The following CCDC149 variants were observed in gnomAD, a reference collection of about 807,000 sequenced individuals.
The protein encoded by CCDC149 is coiled-coil domain-containing protein 149.
CCDC149 carries 45 observed loss-of-function variants against 59.9 expected under a neutral mutation model. The ratio of observed to expected loss-of-function variants is 0.75; its 90% CI spans 0.59 to 0.96. CCDC149 has a LOEUF of 0.96. Ranked by LOEUF, CCDC149 falls within the 40% of genes least tolerant of loss-of-function variation. The pLI, the probability that CCDC149 is intolerant of heterozygous loss-of-function variation, is 0.00. For synonymous variants in CCDC149, 245 were observed against 260.6 expected (o/e 0.94, Z 0.58); for missense variants, 584 against 664.7 (o/e 0.88, Z 1.33).
intron 1 of CCDC149, among the ~76,000 whole-genome samples, chr4:24,909,993 C>T (rs1721781535): frequency 1.3e-5 from 2 of 152,184 alleles, no homozygotes. Flanking sequence ...TAATACATTG[C>T]TGTAACAAAT....
intron 1 of CCDC149, among the ~76,000 whole-genome samples, chr4:24,881,184 A>G (rs959284884): frequency 3.9e-5 from 6 of 152,254 alleles, no homozygotes; most frequent in Non-Finnish European, 8.8e-5. Context: ...AATTTATCAT[A>G]GAGTGAGAAA....
intron 9 of CCDC149, among the ~76,000 whole-genome samples, chr4:24,826,284 G>A (rs1171155098): frequency 2.0e-5 from 3 of 152,152 alleles, no homozygotes; most frequent in Non-Finnish European, 4.4e-5. Flanking sequence ...AAGCAAGGAA[G>A]CAGGATGAGG....
chr4:24,875,694 A>T (rs770041850), intron 2 of CCDC149, among the ~76,000 whole-genome samples: 2 of 152,168 alleles, frequency 1.3e-5, no homozygotes, highest in African/African-American at 4.8e-5. Context: ...TACAGTAGCC[A>T]TCAGTCACAT....
At chr4:24,815,799 A>G (rs904953466) in intron 12 of CCDC149, among the ~76,000 whole-genome samples, 20 of 152,004 alleles carry the variant, frequency 1.3e-4, no homozygotes, top group African/African-American at 4.6e-4. Context: ...AATATGGGAA[A>G]CCTCTGAGAT....
chr4:24,880,382 G>A (rs1186072516), intron 1 of CCDC149, among the ~76,000 whole-genome samples: 1 of 152,160 alleles, frequency 6.6e-6, no homozygotes, highest in Non-Finnish European at 1.5e-5. Context: ...ATCGCCTAGC[G>A]GCACACTTCT....
At chr4:24,944,942 C>T (rs1307522763) in intron 1 of CCDC149, among the ~76,000 whole-genome samples, 4 of 152,198 alleles carry the variant, frequency 2.6e-5, no homozygotes, top group Non-Finnish European at 4.4e-5. Flanking sequence ...CCAGCCCCTA[C>T]TCCCACAAAC....
intron 1 of CCDC149, among the ~76,000 whole-genome samples, chr4:24,886,128 T>C (rs1390972003): frequency 2.6e-5 from 4 of 152,192 alleles, no homozygotes; most frequent in African/African-American, 4.8e-5. Context: ...GTTACCTGGG[T>C]ATATCAATTA....
intron 2 of CCDC149, among the ~76,000 whole-genome samples, chr4:24,875,316 C>G (rs1408568689): frequency 1.4e-5 from 2 of 147,252 alleles, no homozygotes; most frequent in Non-Finnish European, 3.0e-5. Context: ...GGCCACAGAG[C>G]GAGAATCCGT....
chr4:24,906,040 T>A (rs997805901), intron 1 of CCDC149, among the ~76,000 whole-genome samples: 6 of 152,046 alleles, frequency 3.9e-5, no homozygotes, highest in African/African-American at 1.4e-4. Context: ...ATAAAAGAAA[T>A]CTGAATTCTT....
At chr4:24,922,637 G>A (rs1435987711) in intron 1 of CCDC149, among the ~76,000 whole-genome samples, 1 of 152,112 alleles carries the variant, frequency 6.6e-6, no homozygotes, top group Non-Finnish European at 1.5e-5. Context: ...CTCTGCAGCT[G>A]GCGAGATCCT....
intron 1 of CCDC149, among the ~76,000 whole-genome samples, chr4:24,940,890 A>G (rs1179099387): frequency 6.6e-6 from 1 of 152,254 alleles, no homozygotes; most frequent in Non-Finnish European, 1.5e-5. Flanking sequence ...ACCCAGATTC[A>G]TAAAGCAAGT....
chr4:24,931,827 A>ATGTATATATATG (rs1302682619), intron 1 of CCDC149, among the ~76,000 whole-genome samples: 1 of 94,132 alleles, frequency 1.1e-5, no homozygotes, highest in East Asian at 2.6e-4. Flanking sequence ...TATGGAGAGT[A>ATGTATATATATG]TGTATATATA....
At chr4:24,956,059 T>C (rs1432688426) in intron 1 of CCDC149, among the ~76,000 whole-genome samples, 1 of 152,204 alleles carries the variant, frequency 6.6e-6, no homozygotes, top group East Asian at 1.9e-4. Context: ...GCGGTGGTTC[T>C]GAAATAATTG....
intron 1 of CCDC149, among the ~76,000 whole-genome samples, chr4:24,946,397 G>A (rs1356742051): frequency 1.3e-5 from 2 of 152,148 alleles, no homozygotes; most frequent in Non-Finnish European, 2.9e-5. Context: ...GAAGTGGTCT[G>A]TACTTAGCTG....
intron 9 of CCDC149, among the ~76,000 whole-genome samples, chr4:24,824,724 G>T (rs371149702): frequency 2.0e-5 from 3 of 152,228 alleles, no homozygotes; most frequent in African/African-American, 7.2e-5. Context: ...CAAAACCATA[G>T]GCAAGACTCA....
rs1283901282 is a variant in CCDC149, at chr4:24,837,206, A to G, written c.662+22T>C. ...CAGAGCCAGCCTTCCTCCCACGCAC[A>G]GGCCTGGGCCTGGCCACTTGCCTGT... On this transcript the variant is annotated intron_variant, in intron 6 of 12. Transcript: ENST00000635206. The surrounding 1 kb of genome is among the most constrained non-coding windows in gnomAD (Gnocchi z 4.3). 6 of 1,610,106 alleles carry G rather than the reference A, an allele frequency of 3.7e-6. No homozygotes were observed. In the Admixed American group the frequency reaches 1.0e-4, roughly 27 times the overall value.
Position 24,808,285 on chromosome 4 carries a change from G to T in CCDC149, c.*104C>A. 9.6e-7 allele frequency: 1 copy of T among 1,043,014 alleles called. No individual in the cohort carries two copies. Among genetic ancestry groups the T allele is most frequent in the Non-Finnish European group, 1.3e-6 (1 of 760,176 alleles). 64.6% of individuals were successfully genotyped at this position (1,043,014 alleles called of 1,614,324 possible). On this transcript the variant is annotated 3_prime_UTR_variant, in exon 13 of 13. Coordinates refer to ENST00000635206, the MANE Select transcript of CCDC149 (RefSeq NM_001330643.2). ...AGTGCGTTTTCTCACTTGCAGACTC[G>T]GAGGTATTTCAGGAGAAGGCGACGT... is the stretch of plus-strand genomic sequence containing the variant.
At chr4:24,833,760 C>A (rs1427711241) in intron 8 of CCDC149, among the ~76,000 whole-genome samples, 1 of 152,184 alleles carries the variant, frequency 6.6e-6, no homozygotes, top group African/African-American at 2.4e-5. Flanking sequence ...TGTTTTGTAG[C>A]AAAATGTTTG....
chr4:24,891,624 C>G (rs1340980428), intron 1 of CCDC149, among the ~76,000 whole-genome samples: 1 of 152,194 alleles, frequency 6.6e-6, no homozygotes, highest in Non-Finnish European at 1.5e-5. Context: ...AGATCTAATA[C>G]TAAATTAAAA....
Sources: allele counts gnomAD v4.1 joint callset (sites outside exome capture counted in the v4.1 genomes callset), GRCh38; gene constraint gnomAD v4.1.1; non-coding constraint Gnocchi (gnomAD v3.1); transcripts MANE v1.5; gene names NCBI Gene and HGNC (gene_info 2026-07-23, HGNC 2026-07-21).